Variants in FHOD3 observed in about 807,000 individuals in gnomAD.
FHOD3 encodes FH1/FH2 domain-containing protein 3.
FHOD3 carries 90 observed loss-of-function variants against 173.0 expected under a neutral mutation model. The ratio of observed to expected loss-of-function variants is 0.52; its 90% confidence interval spans 0.44 to 0.62. The LOEUF (loss-of-function observed/expected upper bound fraction) is 0.62. Ranked by LOEUF, FHOD3 falls within the 20% of genes least tolerant of loss-of-function variation. The pLI is 0.00. For synonymous variants in FHOD3, 828 were observed against 823.0 expected, an observed-to-expected ratio of 1.01 and a Z score of -0.10; for missense variants, 1,945 against 2,034.7, an observed-to-expected ratio of 0.96 and a Z score of 0.85.
At chr18:36,432,022 G>A (rs1333913729) in intron 3 of FHOD3, among the ~76,000 whole-genome samples, 2 of 152,254 alleles carry the variant, frequency 1.3e-5, no homozygotes, top group African/African-American at 4.8e-5. Context: ...TCTCCCTTTG[G>A]TGATTCTTTT....
At chr18:36,649,786 T>A (rs1032189125) in intron 11 of FHOD3, among the ~76,000 whole-genome samples, 6 of 152,210 alleles carry the variant, frequency 3.9e-5, no homozygotes, top group African/African-American at 1.4e-4. Flanking sequence ...CATATGTTCC[T>A]TTCTTCCTGA....
At chr18:36,416,515 C>G (rs17650558) in intron 3 of FHOD3, among the ~76,000 whole-genome samples, 30,683 of 152,130 alleles carry the variant, frequency 0.2, 3,373 homozygotes, top group South Asian at 0.34. Flanking sequence ...CATTAGCACA[C>G]CCTCCACAGC....
chr18:36,432,595 G>T (rs79718314), intron 3 of FHOD3, among the ~76,000 whole-genome samples: 2,973 of 152,266 alleles, frequency 0.02, 98 homozygotes, highest in African/African-American at 0.068. Flanking sequence ...TGGGTGTCCA[G>T]TTCTGCCCAT....
intron 10 of FHOD3, among the ~76,000 whole-genome samples, chr18:36,627,350 C>G (rs1166520830): frequency 6.6e-6 from 1 of 152,114 alleles, no homozygotes. Context: ...ATGTTTGTTC[C>G]TTGTCTGTTT....
chr18:36,346,623 C>T (rs1350252676), intron 1 of FHOD3, among the ~76,000 whole-genome samples: 1 of 152,152 alleles, frequency 6.6e-6, no homozygotes, highest in East Asian at 1.9e-4. Flanking sequence ...CATTTCTCTC[C>T]CTTTCCTTCT....
intron 3 of FHOD3, among the ~76,000 whole-genome samples, chr18:36,423,118 C>A (rs965520712): frequency 0.017 from 1 of 60 alleles, no homozygotes; most frequent in Admixed American, 0.17. Context: ...CGATTCACAC[C>A]CCCCCCAAAC....
chr18:36,734,909 G>T (rs2041556436), intron 20 of FHOD3, among the ~76,000 whole-genome samples: 1 of 152,110 alleles, frequency 6.6e-6, no homozygotes, highest in South Asian at 2.1e-4. Context: ...CAACCCAGTG[G>T]TATGTATCCA....
intron 3 of FHOD3, among the ~76,000 whole-genome samples, chr18:36,484,221 G>T (rs1347219969): frequency 6.6e-6 from 1 of 152,218 alleles, no homozygotes; most frequent in Non-Finnish European, 1.5e-5. Context: ...GCCACTTGTT[G>T]CTTCCCTTTT....
intron 10 of FHOD3, among the ~76,000 whole-genome samples, chr18:36,637,389 C>T (rs184991890): frequency 2.0e-5 from 3 of 152,184 alleles, no homozygotes; most frequent in Admixed American, 2.0e-4. Context: ...CTGCAACCTC[C>T]GCCTCCTGAG....
intron 3 of FHOD3, among the ~76,000 whole-genome samples, chr18:36,384,515 A>C (rs1168108577): frequency 2.0e-5 from 3 of 150,816 alleles, no homozygotes; most frequent in Non-Finnish European, 4.4e-5. Context: ...GGTTGCAGTG[A>C]GTTGATATCA....
chr18:36,364,302 G>A (rs762577483), intron 2 of FHOD3, among the ~76,000 whole-genome samples: 7 of 152,038 alleles, frequency 4.6e-5, no homozygotes, highest in South Asian at 2.1e-4. Flanking sequence ...CATCCTGACC[G>A]CAAGGATTCC....
chr18:36,448,990 C>T (rs747199905), intron 3 of FHOD3, among the ~76,000 whole-genome samples: 22 of 152,028 alleles, frequency 1.4e-4, no homozygotes, highest in Middle Eastern at 3.4e-3. Flanking sequence ...AGCCATTTCT[C>T]GGTGTCCCCT....
chr18:36,478,009 T>C (rs1388341137), intron 3 of FHOD3, among the ~76,000 whole-genome samples: 1 of 152,086 alleles, frequency 6.6e-6, no homozygotes, highest in Non-Finnish European at 1.5e-5. Flanking sequence ...AGAACAGAGC[T>C]CTGGAAAGAG....
At chr18:36,644,637 A>T (rs1485874467) in intron 10 of FHOD3, among the ~76,000 whole-genome samples, 1 of 152,238 alleles carries the variant, frequency 6.6e-6, no homozygotes, top group East Asian at 1.9e-4. Flanking sequence ...CCCAAAGAGA[A>T]GACAGCTTGG....
intron 6 of FHOD3, among the ~76,000 whole-genome samples, chr18:36,580,857 T>G (rs150553974): frequency 9.1e-4 from 138 of 152,362 alleles, no homozygotes; most frequent in African/African-American, 3.1e-3. Context: ...CATTTCCTTT[T>G]GACAAAGAGT....
intron 24 of FHOD3, among the ~76,000 whole-genome samples, chr18:36,750,456 GT>G (rs1283352313): frequency 2.0e-5 from 3 of 152,154 alleles, no homozygotes; most frequent in Non-Finnish European, 2.9e-5. Flanking sequence ...TCTGTTGATA[GT>G]TTCTTTTGCT....
At chr18:36,393,198 T>G (rs556310614) in intron 3 of FHOD3, among the ~76,000 whole-genome samples, 1 of 152,202 alleles carries the variant, frequency 6.6e-6, no homozygotes, top group Non-Finnish European at 1.5e-5. Flanking sequence ...AATTTTAGAG[T>G]TAAACAAACG....
chr18:36,706,073 G>C (rs1406146202), intron 17 of FHOD3, among the ~76,000 whole-genome samples: 6 of 151,848 alleles, frequency 4.0e-5, no homozygotes, highest in Admixed American at 3.9e-4. Flanking sequence ...GTTCGGTGTG[G>C]AGTCTCAGGG....
Position 36,355,535 on chromosome 18 carries a change from G to T in FHOD3, c.166-4G>T, listed in dbSNP as rs542358131. The T allele has an allele frequency of 6.2e-7, 1 of 1,613,892 alleles. No homozygotes were observed. Among genetic ancestry groups the T allele is most frequent in the Admixed American group, 1.7e-5 (1 of 60,008 alleles). Reference sequence around the variant, plus strand: ...TTGGGTATAACAGGCTCTTTCTCTTGCAGCTGGATGACTGTACTCTGCAGC... The same window carrying T: ...TTGGGTATAACAGGCTCTTTCTCTTTCAGCTGGATGACTGTACTCTGCAGC... On this transcript the variant is annotated splice_region_variant and splice_polypyrimidine_tract_variant and intron_variant, in intron 1 of 28. Transcript: ENST00000590592.
Sources: allele counts gnomAD v4.1 joint callset (sites outside exome capture counted in the v4.1 genomes callset), GRCh38; gene constraint gnomAD v4.1.1; transcripts MANE v1.5; gene names NCBI Gene and HGNC (gene_info 2026-07-23, HGNC 2026-07-21).